The following PHF20 variants were observed in gnomAD, a reference collection of about 807,000 sequenced individuals.
The protein encoded by PHF20 is PHD finger protein 20.
A neutral mutation model predicts 113.5 loss-of-function variants in PHF20; 23 were observed. The ratio of observed to expected loss-of-function variants is 0.20; its 90% CI spans 0.15 to 0.29. The LOEUF is 0.29. Ranked by LOEUF, PHF20 falls within the 10% of genes least tolerant of loss-of-function variation. PHF20 has a pLI of 1.00. For missense variants in PHF20, 943 were observed against 1,219.6 expected, an observed-to-expected ratio of 0.77 and a Z score of 3.38; for synonymous variants, 434 against 457.3, an observed-to-expected ratio of 0.95 and a Z score of 0.65.
At chr20:35,833,304 T>G (rs1425377907) in intron 2 of PHF20, among the ~76,000 whole-genome samples, 3 of 152,104 alleles carry the variant, frequency 2.0e-5, no homozygotes, top group Non-Finnish European at 4.4e-5. Context: ...TAACCTTATT[T>G]ATTATGAATT....
chr20:35,817,304 A>G (rs767248406), intron 2 of PHF20, among the ~76,000 whole-genome samples: 2 of 151,996 alleles, frequency 1.3e-5, no homozygotes, highest in Non-Finnish European at 2.9e-5. Flanking sequence ...CTCTTGCCTC[A>G]GCCTCCCAAA....
chr20:35,809,674 A>G (rs1420535471), intron 2 of PHF20, among the ~76,000 whole-genome samples: 3 of 151,632 alleles, frequency 2.0e-5, no homozygotes, highest in East Asian at 1.9e-4. Context: ...GATTGAGTCA[A>G]GGATTTCAAG....
chr20:35,868,918 G>A (rs2054367486), intron 6 of PHF20, among the ~76,000 whole-genome samples: 1 of 151,912 alleles, frequency 6.6e-6, no homozygotes, highest in African/African-American at 2.4e-5. Flanking sequence ...TGGGGAAACC[G>A]TGACTCTACT....
At chr20:35,813,024 A>G (rs2042004399) in intron 2 of PHF20, among the ~76,000 whole-genome samples, 1 of 152,190 alleles carries the variant, frequency 6.6e-6, no homozygotes, top group Non-Finnish European at 1.5e-5. Flanking sequence ...GCTGGAGCAC[A>G]GTGGTGCGAT....
At chr20:35,923,483 G>A (rs1282901568) in intron 13 of PHF20, among the ~76,000 whole-genome samples, 3 of 152,028 alleles carry the variant, frequency 2.0e-5, no homozygotes. Flanking sequence ...AAACAAAGAA[G>A]CCCATTTGAA....
chr20:35,807,005 C>T (rs565530690), intron 2 of PHF20, among the ~76,000 whole-genome samples: 1 of 151,994 alleles, frequency 6.6e-6, no homozygotes, highest in East Asian at 1.9e-4. Flanking sequence ...CTGTGTTAGC[C>T]AGGATGGTCT....
At chr20:35,841,641 G>A (rs544923732) in intron 2 of PHF20, among the ~76,000 whole-genome samples, 17 of 151,982 alleles carry the variant, frequency 1.1e-4, no homozygotes, top group African/African-American at 3.4e-4. Flanking sequence ...GTGGTGGCAC[G>A]TACCTGTAGT....
intron 3 of PHF20, among the ~76,000 whole-genome samples, chr20:35,845,751 AG>A (rs2042611868): frequency 6.6e-6 from 1 of 150,616 alleles, no homozygotes; most frequent in African/African-American, 2.4e-5. Flanking sequence ...GATCTGACTC[AG>A]ACTCAGCCCT....
intron 6 of PHF20, among the ~76,000 whole-genome samples, chr20:35,866,904 G>GGTTA (rs1307777450): frequency 6.6e-6 from 1 of 152,148 alleles, no homozygotes; most frequent in Non-Finnish European, 1.5e-5. Flanking sequence ...CTAAGTTTAT[G>GGTTA]GTTAATCCTT....
At chr20:35,829,133 T>C (rs911069035) in intron 2 of PHF20, among the ~76,000 whole-genome samples, 97 of 152,114 alleles carry the variant, frequency 6.4e-4, no homozygotes, top group African/African-American at 2.1e-3. Flanking sequence ...TAGAATGTTC[T>C]CACGATGTAG....
chr20:35,878,713 T>C (rs1017583816), intron 9 of PHF20: 1 of 767,976 alleles, frequency 1.3e-6, no homozygotes, highest in Non-Finnish European at 2.4e-6. Context: ...TCGAGAATTC[T>C]GGGCAAAACC....
intron 1 of PHF20, among the ~76,000 whole-genome samples, chr20:35,793,487 A>T (rs901533259): frequency 6.7e-6 from 1 of 150,312 alleles, no homozygotes; most frequent in Non-Finnish European, 1.5e-5. Context: ...TTTAGTAGAG[A>T]CGGGGTTTCA....
At chr20:35,852,171 C>T (rs1207010438) in intron 4 of PHF20, among the ~76,000 whole-genome samples, 5 of 152,174 alleles carry the variant, frequency 3.3e-5, no homozygotes, top group African/African-American at 4.8e-5. Flanking sequence ...GCATGGAGGT[C>T]TGTGGTTCTA....
intron 2 of PHF20, among the ~76,000 whole-genome samples, chr20:35,814,479 G>A (rs1386078757): frequency 2.6e-5 from 4 of 151,278 alleles, no homozygotes; most frequent in African/African-American, 7.3e-5. Flanking sequence ...GGCCTCTCAC[G>A]GTGCTGGGAT....
chr20:35,899,802 C>T (rs1384519027), intron 10 of PHF20, among the ~76,000 whole-genome samples, 154 bp downstream of exon 10: 3 of 152,166 alleles, frequency 2.0e-5, no homozygotes, highest in Admixed American at 6.5e-5. Flanking sequence ...GGCTGTGCCA[C>T]GGAGCTGTGG....
intron 17 of PHF20, among the ~76,000 whole-genome samples, chr20:35,944,294 C>T (rs551568865): frequency 1.3e-5 from 2 of 152,288 alleles, no homozygotes; most frequent in African/African-American, 2.4e-5. Context: ...CTCAGGAACT[C>T]CACACACTCC....
In PHF20 at chr20:35,873,471, T is replaced by G. The variant is rs6119666; in HGVS notation, c.1282+1642T>G. On this transcript the variant is annotated intron_variant, in intron 9 of 17. Transcript: ENST00000374012. The stretch of plus-strand genomic sequence containing the variant: ...TGTGTTTTGTCTGTTTTTTTGTTTT[T>G]TTTTTTTTTTTTTTTAAGACAGAGT... Among the ~76,000 whole-genome samples, 155 of 145,616 alleles carry G rather than the reference T, an allele frequency of 1.1e-3. 1 individual carries two copies. Among genetic ancestry groups the G allele is most frequent in the African/African-American group, 3.3e-3 (125 of 38,394 alleles).
chr20:35,842,291 G>A (rs1334905760), intron 2 of PHF20, among the ~76,000 whole-genome samples: 1 of 152,074 alleles, frequency 6.6e-6, no homozygotes, highest in Non-Finnish European at 1.5e-5. Flanking sequence ...GGTGAGCCAA[G>A]ATCACACCAC....
At chr20:35,851,641 C>T (rs932575523) in intron 4 of PHF20, among the ~76,000 whole-genome samples, 5 of 150,490 alleles carry the variant, frequency 3.3e-5, no homozygotes, top group Non-Finnish European at 4.4e-5. Flanking sequence ...TCTGGCCAGG[C>T]GCAGTGGCTT....
Sources: allele counts gnomAD v4.1 joint callset (sites outside exome capture counted in the v4.1 genomes callset), GRCh38; gene constraint gnomAD v4.1.1; transcripts MANE v1.5; gene names NCBI Gene and HGNC (gene_info 2026-07-23, HGNC 2026-07-21).